MYO9A: variants seen among roughly 807,000 people sequenced by gnomAD.
MYO9A encodes the protein myosin IXA, also known as unconventional myosin-IXa.
Under a neutral mutation model 293.3 loss-of-function variants are expected in MYO9A, and 103 were observed. That is an observed-to-expected ratio of 0.35 (90% confidence interval 0.30 to 0.41). MYO9A has a LOEUF of 0.41. Among genes scored for constraint, MYO9A ranks in the 10% least tolerant of loss-of-function variants. MYO9A has a pLI of 1.00. For missense variants in MYO9A, 2,685 were observed against 3,033.0 expected, an observed-to-expected ratio of 0.89 and a Z score of 2.69; for synonymous variants, 1,001 against 1,035.7, an observed-to-expected ratio of 0.97 and a Z score of 0.64.
chr15:71,868,369 GTC>G (rs1471323781), intron 32 of MYO9A, among the ~76,000 whole-genome samples: 1 of 152,166 alleles, frequency 6.6e-6, no homozygotes, highest in Non-Finnish European at 1.5e-5. Context: ...TACTACCTAT[GTC>G]TCCTGCATCA....
At chr15:71,925,273 AC>A (rs1261277625) in intron 18 of MYO9A, among the ~76,000 whole-genome samples, 3 of 149,382 alleles carry the variant, frequency 2.0e-5, no homozygotes, top group African/African-American at 7.5e-5. Context: ...ATACATATAT[AC>A]ATATACGTAT....
At chr15:71,971,762 G>T (rs2076017605) in intron 12 of MYO9A, among the ~76,000 whole-genome samples, 1 of 150,802 alleles carries the variant, frequency 6.6e-6, no homozygotes. Flanking sequence ...GGGTAGTTTT[G>T]ATATATACAG....
At chr15:71,982,459 G>C (rs369005422) in intron 11 of MYO9A, among the ~76,000 whole-genome samples, 2 of 151,696 alleles carry the variant, frequency 1.3e-5, no homozygotes, top group East Asian at 3.9e-4. Context: ...TATGGTCCAG[G>C]ATATAAACAA....
At chr15:71,968,187 T>C (rs962677167) in intron 12 of MYO9A, 62 bp from the exon 13 acceptor site, 8 of 1,363,040 alleles carry the variant, frequency 5.9e-6, no homozygotes, top group Non-Finnish European at 7.8e-6. Flanking sequence ...CGGTAATTAG[T>C]ACAGCCCTTT....
Position 71,998,023 on chromosome 15 carries a change from T to C in MYO9A, c.1470+1828A>G, listed in dbSNP as rs372518320. On this transcript the variant is annotated intron_variant, in intron 9 of 41. Transcript: ENST00000356056. ...TCTATCATAAAGACACATCCACGTA[T>C]ATGCTCACTGCAGCACTATTCACAA... Among the ~76,000 whole-genome samples, 9 of 152,282 alleles carry C rather than the reference T, an allele frequency of 5.9e-5. No homozygotes were observed. In the South Asian group the frequency reaches 1.9e-3, roughly 32 times the overall value.
chr15:71,898,310 C>A lies in MYO9A; in HGVS notation c.4193G>T (p.Ser1398Ile), dbSNP rs773946863. Reference protein sequence around the residue: ...DGTMKEMVVCSSESITCKPQL... With the variant: ...DGTMKEMVVCISESITCKPQL... ...TGGTTTACAGGTAATAGACTCAGAACTGCAGACCACCATTTCCTTCATAGT... is the reference window on the plus strand; with the variant it reads ...TGGTTTACAGGTAATAGACTCAGAAATGCAGACCACCATTTCCTTCATAGT... Residue 1398 changes from serine (S) to isoleucine (I), a missense_variant, in exon 25 of 42, where the codon AGT becomes ATT. Around this residue, in one of 10 missense-constraint regions of MYO9A, gnomAD observed 1,434 missense variants for 1,497.7 expected, o/e 0.96. Coordinates refer to ENST00000356056, the MANE Select transcript of MYO9A (RefSeq NM_006901.4). The A allele has an allele frequency of 3.1e-6, 5 of 1,613,900 alleles. No homozygotes were observed. The highest frequency in any genetic ancestry group is 4.2e-6 in the Non-Finnish European group (5 of 1,180,034).
intron 1 of MYO9A, among the ~76,000 whole-genome samples, chr15:72,059,263 T>C (rs1038890760): frequency 6.6e-6 from 1 of 152,210 alleles, no homozygotes; most frequent in African/African-American, 2.4e-5. Flanking sequence ...CATTACTGCA[T>C]GGTAGAGAAC....
In MYO9A at chr15:71,904,009, G is replaced by C. The variant is rs892541013; in HGVS notation, c.2797C>G (p.Leu933Val). ...ATCCCGGTGTATCGAAGCTGTCTAA[G>C]TACCAAGACATCACTGAACCTTAAG... is the stretch of plus-strand genomic sequence containing the variant. ...LPLRFSDVLV[L>V]RQLRYTGMLE... The change falls in exon 21 of 42, where the codon CTT becomes GTT. Residue 933 changes from leucine (L) to valine (V), a missense_variant. By Grantham distance (32) the Leu-to-Val change is conservative. Around this residue, in one of 10 missense-constraint regions of MYO9A, gnomAD observed 1,434 missense variants for 1,497.7 expected, o/e 0.96. Coordinates refer to ENST00000356056, the MANE Select transcript of MYO9A (RefSeq NM_006901.4). 6.2e-7 allele frequency: 1 copy of C among 1,613,830 alleles called. No individual in the cohort carries two copies. Among genetic ancestry groups the C allele is most frequent in the African/African-American group, 1.3e-5 (1 of 74,908 alleles).
chr15:72,101,255 C>G (rs1373469240), intron 1 of MYO9A, among the ~76,000 whole-genome samples: 6 of 132,360 alleles, frequency 4.5e-5, no homozygotes, highest in Admixed American at 7.4e-5. Context: ...GGGGGTCAGC[C>G]CCCCGCCCGG....
intron 1 of MYO9A, among the ~76,000 whole-genome samples, chr15:72,084,440 G>C (rs2079649898): frequency 6.6e-6 from 1 of 152,084 alleles, no homozygotes; most frequent in South Asian, 2.1e-4. Context: ...CTCACTCTGT[G>C]CCTTTTAATT....
chr15:72,011,272 A>G (rs1009941826), intron 6 of MYO9A, among the ~76,000 whole-genome samples: 1 of 151,936 alleles, frequency 6.6e-6, no homozygotes, highest in Non-Finnish European at 1.5e-5. Flanking sequence ...TAGGCCTCCT[A>G]AAGTGCTAGA....
intron 19 of MYO9A, among the ~76,000 whole-genome samples, chr15:71,910,176 A>ATATATATATG (rs1264565375): frequency 6.9e-6 from 1 of 145,582 alleles, no homozygotes; most frequent in Non-Finnish European, 1.5e-5. Flanking sequence ...GTGTATATAT[A>ATATATATATG]TATATAAAAT....
rs374266557 is a variant in MYO9A, at chr15:71,980,743, C to T, written c.1723-2451G>A. ...GTCCCAGCTACTTGGGAGGCTGAGG[C>T]AAGACGACCTCTTGAGCCCAGGAGA... On this transcript the variant is annotated intron_variant, in intron 11 of 41. Transcript: ENST00000356056. Among the ~76,000 whole-genome samples the T allele has an allele frequency of 1.7e-4, 26 of 152,250 alleles. 1 individual carries two copies. In the South Asian group the frequency reaches 5.2e-3, roughly 30 times the overall value.
At chr15:71,986,350 G>A (rs905809111) in intron 11 of MYO9A, among the ~76,000 whole-genome samples, 4 of 152,110 alleles carry the variant, frequency 2.6e-5, no homozygotes, top group Non-Finnish European at 4.4e-5. Context: ...GATACCCAGG[G>A]ATGGCTGTAC....
chr15:71,997,727 G>A (rs1353902130), intron 9 of MYO9A, among the ~76,000 whole-genome samples: 1 of 152,046 alleles, frequency 6.6e-6, no homozygotes, highest in African/African-American at 2.4e-5. Flanking sequence ...AATGAAAAAG[G>A]TGGTGTGGTC....
At chr15:71,993,032 A>G (rs2148451560) in intron 10 of MYO9A, among the ~76,000 whole-genome samples, 1 of 152,298 alleles carries the variant, frequency 6.6e-6, no homozygotes, top group Non-Finnish European at 1.5e-5. Context: ...ATAGGCCTCC[A>G]CAAATATCCA....
chr15:72,021,020 G>T lies in MYO9A; in HGVS notation c.999-3C>A. 3 of 1,540,256 alleles carry T rather than the reference G, an allele frequency of 1.9e-6. No individual in the cohort carries two copies. The highest frequency in any genetic ancestry group is 2.6e-5 in the South Asian group (2 of 77,738). On this transcript the variant is annotated splice_region_variant and splice_polypyrimidine_tract_variant and intron_variant, in intron 4 of 41. Coordinates refer to ENST00000356056, the MANE Select transcript of MYO9A (RefSeq NM_006901.4). ...GGTAATAGAATACATGATAGTTCCT[G>T]TGGGAAACAAAGAAGTACAAGTTTC...
chr15:71,874,610 C>T (rs1324318346), intron 32 of MYO9A, among the ~76,000 whole-genome samples: 1 of 152,144 alleles, frequency 6.6e-6, no homozygotes, highest in Non-Finnish European at 1.5e-5. Flanking sequence ...ATGGCTATTA[C>T]ATAGAGAACT....
At chr15:71,875,481 CCT>C (rs1390759704) in intron 32 of MYO9A, among the ~76,000 whole-genome samples, 10 of 152,092 alleles carry the variant, frequency 6.6e-5, no homozygotes, top group East Asian at 3.8e-4. Context: ...CTAAATAACC[CCT>C]GTTTTCTTTA....
Sources: gnomAD v4.1 joint callset for allele counts (sites outside exome capture counted in the v4.1 genomes callset) on GRCh38, gnomAD v4.1.1 for gene constraint, gnomAD v4.1.1 regional missense constraint, MANE v1.5 for transcripts, NCBI Gene and HGNC (gene_info 2026-07-23, HGNC 2026-07-21) for gene names.